SMPD3: variants seen among roughly 807,000 people sequenced by gnomAD.
SMPD3 encodes sphingomyelin phosphodiesterase 3.
In SMPD3, 21 loss-of-function variants were observed where a neutral mutation model predicts 55.7. That is an observed-to-expected ratio of 0.38 (90% confidence interval 0.27 to 0.54). SMPD3 has a LOEUF of 0.54. Among genes scored for constraint, SMPD3 ranks in the 20% least tolerant of loss-of-function variants. The probability of loss-of-function intolerance (pLI) is 0.80; values close to 1 mark genes in which losing one functional copy is unlikely to be tolerated. For synonymous variants in SMPD3, 457 were observed against 404.3 expected, an observed-to-expected ratio of 1.13 and a Z score of -1.56; for missense variants, 842 against 899.6, an observed-to-expected ratio of 0.94 and a Z score of 0.82.
intron 1 of SMPD3, among the ~76,000 whole-genome samples, chr16:68,429,643 C>A (rs956193386): frequency 2.0e-5 from 3 of 152,130 alleles, no homozygotes. Flanking sequence ...GGTTGTGTAG[C>A]CCAGGGCAGA....
rs142994099 is a variant in SMPD3 at position 68,400,197 on chromosome 16, A to C, written c.-268-13538T>G. ...TGCCAAGTGGCCTCTAGAAGGAACC[A>C]CCCTCAAATACGTGTCGGGGGTGAT... On this transcript the variant is annotated intron_variant, in intron 1 of 8. Coordinates refer to ENST00000219334, the MANE Select transcript of SMPD3 (RefSeq NM_018667.4). Among the ~76,000 whole-genome samples, 1,411 of 152,216 alleles carry C rather than the reference A, an allele frequency of 9.3e-3. 37 individuals are homozygous for C. The highest frequency in any genetic ancestry group is 6.9e-3 in the South Asian group (33 of 4,814).
chr16:68,399,498 GAGGGA>G (rs941578828), intron 1 of SMPD3, among the ~76,000 whole-genome samples: 1 of 152,324 alleles, frequency 6.6e-6, no homozygotes, highest in Admixed American at 6.5e-5. Flanking sequence ...GCCTGGAATG[GAGGGA>G]AGTAGGGACC....
At chr16:68,377,223 G>A (rs2089838209) in intron 2 of SMPD3, among the ~76,000 whole-genome samples, 1 of 152,226 alleles carries the variant, frequency 6.6e-6, no homozygotes, top group African/African-American at 2.4e-5. Context: ...GGGCTGCAGG[G>A]AGCAGAGAGC....
chr16:68,394,917 CTG>C (rs1197689365), intron 1 of SMPD3, among the ~76,000 whole-genome samples: 1 of 152,142 alleles, frequency 6.6e-6, no homozygotes, highest in Admixed American at 6.5e-5. Context: ...TGTTTTATGA[CTG>C]AGGCTTGTCC....
intron 2 of SMPD3, among the ~76,000 whole-genome samples, chr16:68,378,444 G>A (rs1334743685): frequency 2.0e-5 from 3 of 152,158 alleles, no homozygotes; most frequent in African/African-American, 7.2e-5. Flanking sequence ...CTGGGGTCTG[G>A]CAAGAACATG....
chr16:68,370,354 G>A (rs776872006), intron 3 of SMPD3: 13 of 157,794 alleles, frequency 8.2e-5, no homozygotes, highest in Non-Finnish European at 1.3e-4. Context: ...TGAGCCAGGC[G>A]GTGTCACGGC....
chr16:68,384,185 C>T (rs1310017214), intron 2 of SMPD3, among the ~76,000 whole-genome samples: 1 of 152,222 alleles, frequency 6.6e-6, no homozygotes, highest in Non-Finnish European at 1.5e-5. Context: ...GAGCAGTCCC[C>T]CACTGTGCCC....
intron 2 of SMPD3, among the ~76,000 whole-genome samples, chr16:68,381,291 T>C (rs1364575986): frequency 2.0e-5 from 3 of 152,184 alleles, no homozygotes; most frequent in Non-Finnish European, 4.4e-5. Context: ...TGAAAGCCCT[T>C]GGATCCAAGA....
In SMPD3 at chr16:68,370,884, G is replaced by A. The variant is rs1329110114; in HGVS notation, c.1298C>T (p.Ala433Val). 4 of 1,613,882 alleles carry A rather than the reference G, an allele frequency of 2.5e-6. No homozygotes were observed. The highest frequency in any genetic ancestry group is 2.5e-6 in the Non-Finnish European group (3 of 1,179,916). Residue 433 changes from alanine to valine, a missense_variant, in exon 3 of 9, where the codon GCC (alanine) becomes GTC (valine). Around this residue, in one of 2 missense-constraint regions of SMPD3, gnomAD observed 649 missense variants for 643.6 expected, o/e 1.01. Transcript: ENST00000219334. ...YPNKCNDDALASKGALFLKVQ... is the reference protein window; with the variant it reads ...YPNKCNDDALVSKGALFLKVQ... ...CTTGAGAAACAGAGCTCCCTTAGAG[G>A]CCAGGGCATCGTCGTTACACTTGTT...
At chr16:68,444,460 C>T (rs2090594424) in intron 1 of SMPD3, among the ~76,000 whole-genome samples, 1 of 152,214 alleles carries the variant, frequency 6.6e-6, no homozygotes, top group African/African-American at 2.4e-5. Flanking sequence ...AGGAGCCTCT[C>T]AGAACTGCTC....
At position 68,370,935 on chromosome 16, in the gene SMPD3, A is replaced by C; in HGVS notation, c.1247T>G (p.Met416Arg). 6.2e-7 allele frequency: 1 copy of C among 1,614,204 alleles called. No homozygotes were observed. The highest frequency in any genetic ancestry group is 8.5e-7 in the Non-Finnish European group (1 of 1,180,022). The change falls in exon 3 of 9, where the codon ATG becomes AGG. Residue 416 changes from methionine to arginine, a missense_variant. Transcript: ENST00000219334. ...GGGGTAACAGTGATAGGCCACGTCCATGATGGGGTAGCGGCTGGCAAAGAG... is the reference window on the plus strand; with the variant it reads ...GGGGTAACAGTGATAGGCCACGTCCCTGATGGGGTAGCGGCTGGCAAAGAG... ...GLLFASRYPI[M>R]DVAYHCYPNK...
intron 3 of SMPD3, among the ~76,000 whole-genome samples, chr16:68,366,252 G>A (rs922866026): frequency 6.6e-6 from 1 of 152,188 alleles, no homozygotes; most frequent in Non-Finnish European, 1.5e-5. Context: ...GCCTCGGCAG[G>A]CTCCGTCCTT....
intron 1 of SMPD3, among the ~76,000 whole-genome samples, chr16:68,413,195 T>A (rs774774751): frequency 2.0e-5 from 3 of 152,234 alleles, no homozygotes; most frequent in Admixed American, 6.5e-5. Context: ...TGGTGATGGC[T>A]GTCACTGTCC....
chr16:68,413,327 G>T lies in SMPD3; in HGVS notation c.-268-26668C>A, dbSNP rs375934628. On this transcript the variant is annotated intron_variant, in intron 1 of 8. Transcript: ENST00000219334. ...AAAGCTCCCCTTTCCACATGGGAAA[G>T]CATGAGCTGTGAAGCCTTGCAGCTG... Among the ~76,000 whole-genome samples, 8 of 152,340 alleles carry T rather than the reference G, an allele frequency of 5.3e-5. 1 individual carries two copies. In the East Asian group the frequency reaches 1.5e-3, roughly 29 times the overall value.
intron 1 of SMPD3, among the ~76,000 whole-genome samples, chr16:68,410,347 A>G (rs2090289342): frequency 6.6e-6 from 1 of 151,954 alleles, no homozygotes; most frequent in Non-Finnish European, 1.5e-5. Context: ...TGGCCCCACC[A>G]ACATGAACAT....
intron 1 of SMPD3, among the ~76,000 whole-genome samples, chr16:68,437,800 G>A (rs2090535138): frequency 1.3e-5 from 2 of 152,184 alleles, no homozygotes; most frequent in South Asian, 4.1e-4. Flanking sequence ...TAGCCATGGA[G>A]AGAAATCTGG....
chr16:68,408,797 T>C (rs2090273040), intron 1 of SMPD3, among the ~76,000 whole-genome samples: 1 of 152,220 alleles, frequency 6.6e-6, no homozygotes, highest in Non-Finnish European at 1.5e-5. Flanking sequence ...CCAGCATCCC[T>C]GAGGTTTCTG....
chr16:68,391,862 T>TA (rs2090113853), intron 1 of SMPD3, among the ~76,000 whole-genome samples: 2 of 152,222 alleles, frequency 1.3e-5, no homozygotes, highest in Admixed American at 6.5e-5. Context: ...GTCTCTGACT[T>TA]ACGATGGTGC....
chr16:68,376,665 C>T (rs2089822939), intron 2 of SMPD3, among the ~76,000 whole-genome samples: 1 of 152,166 alleles, frequency 6.6e-6, no homozygotes, highest in African/African-American at 2.4e-5. Flanking sequence ...AGTTGGAGTC[C>T]CGTTGTCTCC....
Sources: allele counts gnomAD v4.1 joint callset (sites outside exome capture counted in the v4.1 genomes callset), GRCh38; gene constraint gnomAD v4.1.1; regional missense constraint gnomAD v4.1.1; transcripts MANE v1.5; gene names NCBI Gene and HGNC (gene_info 2026-07-23, HGNC 2026-07-21).